Variants in ADAMTS12 observed in about 807,000 individuals in gnomAD.
ADAMTS12 encodes ADAM metallopeptidase with thrombospondin type 1 motif 12, also known as A disintegrin and metalloproteinase with thrombospondin motifs 12.
Under a neutral mutation model 167.8 loss-of-function variants are expected in ADAMTS12, and 118 were observed. The ratio of observed to expected loss-of-function variants is 0.70; its 90% CI spans 0.61 to 0.82. ADAMTS12 has a LOEUF of 0.82. Ranked by LOEUF, ADAMTS12 falls within the 40% of genes least tolerant of loss-of-function variation. ADAMTS12 has a pLI of 0.00. For missense variants in ADAMTS12, 1,916 were observed against 1,998.8 expected (o/e 0.96, Z 0.79); for synonymous variants, 704 against 716.9 (o/e 0.98, Z 0.29).
chr5:33,661,554 C>T (rs1325725466), intron 6 of ADAMTS12, among the ~76,000 whole-genome samples: 1 of 152,156 alleles, frequency 6.6e-6, no homozygotes, highest in Non-Finnish European at 1.5e-5. Flanking sequence ...GATTGGAAAT[C>T]CCACTGGTTA....
At chr5:33,867,070 A>C (rs1749851245) in intron 2 of ADAMTS12, among the ~76,000 whole-genome samples, 1 of 152,160 alleles carries the variant, frequency 6.6e-6, no homozygotes, top group African/African-American at 2.4e-5. Context: ...AAAGAACTAA[A>C]AGTAGATCTA....
intron 3 of ADAMTS12, among the ~76,000 whole-genome samples, chr5:33,739,302 C>T (rs1184053097): frequency 6.6e-6 from 1 of 151,270 alleles, no homozygotes; most frequent in Admixed American, 6.6e-5. Flanking sequence ...CACACACATT[C>T]TCCATACACA....
Position 33,641,946 on chromosome 5 carries a change from C to T in ADAMTS12, c.1582G>A (p.Ala528Thr), listed in dbSNP as rs1425058340. 6 of 1,611,972 alleles carry T rather than the reference C, an allele frequency of 3.7e-6. No homozygotes were observed. The highest frequency in any genetic ancestry group is 5.1e-6 in the Non-Finnish European group (6 of 1,178,666). ...TTCCCCACTGTGATGCACTTGCCTG[C>T]CATACACCACTGGAAAGGGAAGAGG... ...TQCGEKKWCMAGKCITVGKKP... is the reference protein window; with the variant it reads ...TQCGEKKWCMTGKCITVGKKP... Residue 528 changes from alanine (A) to threonine (T), a missense_variant, in exon 11 of 24, where the codon GCA (alanine) becomes ACA (threonine). Coordinates refer to ENST00000504830, the MANE Select transcript of ADAMTS12 (RefSeq NM_030955.4).
intron 16 of ADAMTS12, among the ~76,000 whole-genome samples, chr5:33,610,072 G>A (rs1038828729): frequency 8.5e-5 from 13 of 152,090 alleles, no homozygotes; most frequent in African/African-American, 2.4e-4. Flanking sequence ...CCAGCTACTC[G>A]GGAGGCTGAG....
rs764589552 is a variant in ADAMTS12, at chr5:33,523,558, C to T, written c.*3630G>A. On this transcript the variant is annotated 3_prime_UTR_variant, in exon 24 of 24. Coordinates refer to ENST00000504830, the MANE Select transcript of ADAMTS12 (RefSeq NM_030955.4). ...AATGAGTTTGGCTATTTATTGATGC[C>T]ACACAGAGGGAGGTTATGATTACAG... 2 of 152,058 alleles carry T rather than the reference C, an allele frequency of 1.3e-5. No individual in the cohort carries two copies. The highest frequency in any genetic ancestry group is 2.1e-4 in the South Asian group (1 of 4,820). 9.4% of individuals were successfully genotyped at this position (152,058 alleles called of 1,614,324 possible).
At chr5:33,612,657 T>G (rs1738786528) in intron 16 of ADAMTS12, among the ~76,000 whole-genome samples, 1 of 152,238 alleles carries the variant, frequency 6.6e-6, no homozygotes, top group African/African-American at 2.4e-5. Flanking sequence ...ATTTTCCTCC[T>G]GTTGCTCCTC....
At chr5:33,632,330 C>T (rs201977888) in intron 12 of ADAMTS12, among the ~76,000 whole-genome samples, 1 of 151,720 alleles carries the variant, frequency 6.6e-6, no homozygotes, top group East Asian at 1.9e-4. Flanking sequence ...ACACTAGAAC[C>T]CCAATCCCTA....
At chr5:33,772,617 A>C (rs1745787202) in intron 2 of ADAMTS12, among the ~76,000 whole-genome samples, 1 of 152,188 alleles carries the variant, frequency 6.6e-6, no homozygotes, top group African/African-American at 2.4e-5. Flanking sequence ...ATGAAAACTG[A>C]GATACTTCTT....
chr5:33,696,364 T>C (rs1742769937), intron 3 of ADAMTS12, among the ~76,000 whole-genome samples: 1 of 144,312 alleles, frequency 6.9e-6, no homozygotes, highest in Non-Finnish European at 1.5e-5. Context: ...GAGCTTGCAG[T>C]GAGCCGAGAT....
At chr5:33,553,647 A>G (rs906229312) in intron 20 of ADAMTS12, among the ~76,000 whole-genome samples, 2 of 152,204 alleles carry the variant, frequency 1.3e-5, no homozygotes, top group African/African-American at 4.8e-5. Context: ...CTCACTTATA[A>G]GTGGGAGCTA....
chr5:33,655,625 ATTT>A (rs1561197406), intron 7 of ADAMTS12, among the ~76,000 whole-genome samples: 46 of 36,826 alleles, frequency 1.2e-3, no homozygotes, highest in East Asian at 0.012. Context: ...TTTTAGTTTT[ATTT>A]ATTTAATTTA....
At chr5:33,721,742 CT>C (rs1743813752) in intron 3 of ADAMTS12, among the ~76,000 whole-genome samples, 1 of 152,242 alleles carries the variant, frequency 6.6e-6, no homozygotes, top group East Asian at 1.9e-4. Context: ...TTTCCTGGGT[CT>C]ATTCCACAGC....
chr5:33,699,397 C>T (rs1001276043), intron 3 of ADAMTS12, among the ~76,000 whole-genome samples: 1 of 151,330 alleles, frequency 6.6e-6, no homozygotes, highest in Non-Finnish European at 1.5e-5. Flanking sequence ...CTAATCTTTA[C>T]TAATATATAA....
intron 5 of ADAMTS12, among the ~76,000 whole-genome samples, chr5:33,678,523 T>C (rs1742000166): frequency 6.6e-6 from 1 of 152,164 alleles, no homozygotes; most frequent in Non-Finnish European, 1.5e-5. Context: ...CAGGAAAGGC[T>C]TCCCCAAGGA....
chr5:33,806,478 G>A lies in ADAMTS12; in HGVS notation c.490-54930C>T, dbSNP rs115236026. Among the ~76,000 whole-genome samples, 887 of 152,278 alleles carry A rather than the reference G, an allele frequency of 5.8e-3. 13 individuals are homozygous for A. Among genetic ancestry groups the A allele is most frequent in the African/African-American group, 0.019 (779 of 41,548 alleles). ...TTTTAACTTTTTAACATTCTTACAT[G>A]GAAAAGTAGAAACATCAGAACCTAA... On this transcript the variant is annotated intron_variant, in intron 2 of 23. Coordinates refer to ENST00000504830, the MANE Select transcript of ADAMTS12 (RefSeq NM_030955.4).
At chr5:33,745,922 C>T (rs1292516477) in intron 3 of ADAMTS12, among the ~76,000 whole-genome samples, 1 of 152,160 alleles carries the variant, frequency 6.6e-6, no homozygotes, top group African/African-American at 2.4e-5. Context: ...CACCAACAGT[C>T]TTTTCATCCC....
intron 3 of ADAMTS12, among the ~76,000 whole-genome samples, chr5:33,748,673 C>CA (rs892832184): frequency 1.3e-5 from 2 of 152,108 alleles, no homozygotes; most frequent in Admixed American, 6.6e-5. Context: ...GTTACAAAAG[C>CA]AAAATGCTCC....
chr5:33,655,719 C>T (rs945173714), intron 7 of ADAMTS12, among the ~76,000 whole-genome samples: 6 of 151,102 alleles, frequency 4.0e-5, no homozygotes, highest in South Asian at 2.1e-4. Flanking sequence ...ATACATGTGC[C>T]GTGGTGGTTT....
intron 2 of ADAMTS12, among the ~76,000 whole-genome samples, chr5:33,805,542 G>A (rs577180871): frequency 6.6e-6 from 1 of 152,294 alleles, no homozygotes; most frequent in African/African-American, 2.4e-5. Flanking sequence ...GACTTGTAAT[G>A]TGGCAGTGGC....
Sources: gnomAD v4.1 joint callset for allele counts (sites outside exome capture counted in the v4.1 genomes callset) on GRCh38, gnomAD v4.1.1 for gene constraint, MANE v1.5 for transcripts, NCBI Gene and HGNC (gene_info 2026-07-23, HGNC 2026-07-21) for gene names.